Variants in FMR1 observed in about 807,000 individuals in gnomAD.
FMR1 encodes the protein FMRP translational regulator 1.
FMR1 carries 13 observed loss-of-function variants against 50.6 expected under a neutral mutation model. The observed-to-expected ratio is 0.26, with a 90% confidence interval of 0.17 to 0.41. The LOEUF (loss-of-function observed/expected upper bound fraction) is 0.41. Among genes scored for constraint, FMR1 ranks in the 10% least tolerant of loss-of-function variants. FMR1 has a pLI of 1.00. For synonymous variants in FMR1, 138 were observed against 164.1 expected (o/e 0.84, Z 1.22); for missense variants, 316 against 491.3 (o/e 0.64, Z 3.37).
intron 3 of FMR1, among the ~76,000 whole-genome samples, chrX:147,926,735 G>A (rs782140032): frequency 1.8e-5 from 2 of 111,047 alleles, no homozygotes; most frequent in South Asian, 7.7e-4. Flanking sequence ...TGATCCACTC[G>A]CCTCGGCCTC....
Position 147,912,857 on chromosome X carries a change from A to C in FMR1, c.51+627A>C, listed in dbSNP as rs2042662668. On this transcript the variant is annotated intron_variant, in intron 1 of 16. Transcript: ENST00000370475. ...GGCTTCTCTTTGTGGATTTCGGAGG[A>C]GATTTTAGATCCAAAAGTTTCAGGA... 8 of 295,579 alleles carry C rather than the reference A, an allele frequency of 2.7e-5. No homozygotes were observed. In the East Asian group the frequency reaches 3.8e-4, roughly 14 times the overall value. 24.4% of individuals were successfully genotyped at this position (295,579 alleles called of 1,213,427 possible).
intron 6 of FMR1, 41 bp from the exon 7 acceptor site, chrX:147,930,087 C>T (rs781858239): frequency 8.8e-7 from 1 of 1,136,570 alleles, no homozygotes. Context: ...TCATCTGGGG[C>T]AATTGCCTTG....
chrX:147,934,313 T>G lies in FMR1; in HGVS notation c.880+1550T>G, dbSNP rs1010896192. ...GGGGAAAGTGCTTGGGCATTGGAGT[T>G]GGATCTGGATTTCAGTCCTACTTTA... is the stretch of plus-strand genomic sequence containing the variant. On this transcript the variant is annotated intron_variant, in intron 9 of 16. Coordinates refer to ENST00000370475, the MANE Select transcript of FMR1 (RefSeq NM_002024.6). Among the ~76,000 whole-genome samples the G allele has an allele frequency of 4.5e-5, 5 of 110,788 alleles. No homozygotes were observed. In the East Asian group the frequency reaches 1.1e-3, roughly 25 times the overall value.
chrX:147,919,355 A>G (rs1286019596), intron 1 of FMR1, among the ~76,000 whole-genome samples: 2 of 111,806 alleles, frequency 1.8e-5, no homozygotes, highest in Non-Finnish European at 3.8e-5. Context: ...AGTTCCTGCA[A>G]CCTAACTCAA....
Position 147,950,759 on chromosome X carries a change from G to A in FMR1, c.*1915G>A, listed in dbSNP as rs1557183571. On this transcript the variant is annotated 3_prime_UTR_variant, in exon 17 of 17. Transcript: ENST00000370475. The stretch of plus-strand genomic sequence containing the variant: ...TACCATTGGAAATTTCACGTCATAG[G>A]AAGTTAGCCTTTATCTACCAACTTT... 2 of 315,394 alleles carry A rather than the reference G, an allele frequency of 6.3e-6. 1 individual carries two copies. The highest frequency in any genetic ancestry group is 6.8e-5 in the Admixed American group (2 of 29,563). The allele number at this position is 315,394 out of a possible 1,213,427, so 26.0% of individuals were successfully genotyped here.
intron 13 of FMR1, 148 bp downstream of exon 13, chrX:147,940,810 G>A: frequency 2.3e-6 from 1 of 440,312 alleles, no homozygotes. Flanking sequence ...ACGTTGTTTG[G>A]CTTATAATTT....
At chrX:147,915,334 G>GTTTATTTATAAATTT (rs2042802052) in intron 1 of FMR1, among the ~76,000 whole-genome samples, 1 of 111,558 alleles carries the variant, frequency 9.0e-6, no homozygotes, top group Admixed American at 9.4e-5. Context: ...ACTTGCATAA[G>GTTTATTTATAAATTT]GTTTATAAAT....
intron 3 of FMR1, 176 bp from the exon 4 acceptor site, chrX:147,928,146 T>C: frequency 2.4e-6 from 1 of 422,957 alleles, no homozygotes; most frequent in Non-Finnish European, 4.2e-6. Context: ...TCTGATTATG[T>C]ATCTCTGCCT....
intron 11 of FMR1, among the ~76,000 whole-genome samples, 179 bp from the exon 12 acceptor site, chrX:147,937,920 C>T (rs2043847289): frequency 8.9e-6 from 1 of 112,096 alleles, no homozygotes. Context: ...TCAAAATACA[C>T]CTTCTGTTAG....
chrX:147,949,076 C>A lies in FMR1; in HGVS notation c.*232C>A. ...AAACATTGCTTTTAAAACTACTTAG[C>A]ACTTCAGGGCAGATTTTAGTTTTAT... On this transcript the variant is annotated 3_prime_UTR_variant, in exon 17 of 17. Transcript: ENST00000370475. 1 of 479,638 alleles carries A rather than the reference C, an allele frequency of 2.1e-6. No individual in the cohort carries two copies. Among genetic ancestry groups the A allele is most frequent in the Non-Finnish European group, 3.8e-6 (1 of 266,326 alleles). 39.5% of individuals were successfully genotyped at this position (479,638 alleles called of 1,213,427 possible).
intron 1 of FMR1, among the ~76,000 whole-genome samples, chrX:147,918,737 G>C (rs1186889866): frequency 1.8e-5 from 2 of 110,023 alleles, no homozygotes; most frequent in Non-Finnish European, 3.8e-5. Flanking sequence ...TGATATTATA[G>C]TGCTTTTATG....
At chrX:147,915,519 T>A (rs1413907737) in intron 1 of FMR1, among the ~76,000 whole-genome samples, 1 of 111,217 alleles carries the variant, frequency 9.0e-6, no homozygotes, top group African/African-American at 3.3e-5. Context: ...CTTTTTAGTT[T>A]TTAGGATCTT....
chrX:147,938,216 C>T, intron 12 of FMR1, 55 bp downstream of exon 12: 2 of 945,074 alleles, frequency 2.1e-6, no homozygotes, highest in Non-Finnish European at 1.5e-6. Context: ...AATGTTTATT[C>T]CCCTTGTTAA....
Position 147,912,007 on chromosome X carries a change from G to C in FMR1, c.-173G>C, listed in dbSNP as rs1213532455. The C allele has an allele frequency of 9.5e-6, 1 of 104,924 alleles. No homozygotes were observed. The highest frequency in any genetic ancestry group is 2.0e-5 in the Non-Finnish European group (1 of 50,004). The allele number at this position is 104,924 out of a possible 1,213,427, so 8.6% of individuals were successfully genotyped here. A position where few individuals can be genotyped will look rare whatever the true frequency, so the allele number is the denominator to read the frequency against. ...GGCGGGCCGACGGCGAGCGCGGGCG[G>C]CGGCGGTGACGGAGGCGCCGCTGCC... On this transcript the variant is annotated 5_prime_UTR_variant, in exon 1 of 17. Coordinates refer to ENST00000370475, the MANE Select transcript of FMR1 (RefSeq NM_002024.6).
At chrX:147,915,268 CAT>C (rs1445516732) in intron 1 of FMR1, among the ~76,000 whole-genome samples, 1 of 111,816 alleles carries the variant, frequency 8.9e-6, no homozygotes, top group South Asian at 3.7e-4. Flanking sequence ...AGTGGTCTAA[CAT>C]GTCATTTCAG....
At chrX:147,922,544 A>G (rs1245142396) in intron 2 of FMR1, among the ~76,000 whole-genome samples, 4 of 111,918 alleles carry the variant, frequency 3.6e-5, no homozygotes, top group African/African-American at 1.3e-4. Flanking sequence ...ACTGTATGAA[A>G]GCATCAATAG....
rs927182029 is a variant in FMR1 at position 147,949,627 on chromosome X, T to C, written c.*783T>C. On this transcript the variant is annotated 3_prime_UTR_variant, in exon 17 of 17. Transcript: ENST00000370475. Reference sequence around the variant, plus strand: ...CACTGAAGTTTGATAAATAGTGTTATTGAGAGAGATGTGTAATTTTTCTGT... The same window carrying C: ...CACTGAAGTTTGATAAATAGTGTTACTGAGAGAGATGTGTAATTTTTCTGT... 18 of 327,615 alleles carry C rather than the reference T, an allele frequency of 5.5e-5. No individual in the cohort carries two copies. Among genetic ancestry groups the C allele is most frequent in the Non-Finnish European group, 1.0e-4 (17 of 169,616 alleles). 27.0% of individuals were successfully genotyped at this position (327,615 alleles called of 1,213,427 possible).
chrX:147,926,212 G>A (rs1186042730), intron 3 of FMR1, among the ~76,000 whole-genome samples: 1 of 111,883 alleles, frequency 8.9e-6, no homozygotes, highest in East Asian at 2.8e-4. Context: ...GAAATGTTGT[G>A]TTTGTGATTT....
At chrX:147,927,037 G>A (rs2043415248) in intron 3 of FMR1, among the ~76,000 whole-genome samples, 1 of 112,077 alleles carries the variant, frequency 8.9e-6, no homozygotes, top group South Asian at 3.7e-4. Flanking sequence ...AGTGGACATA[G>A]GATATAGTGT....
Sources: gnomAD v4.1 joint callset for allele counts (sites outside exome capture counted in the v4.1 genomes callset) on GRCh38, gnomAD v4.1.1 for gene constraint, MANE v1.5 for transcripts, NCBI Gene and HGNC (gene_info 2026-07-23, HGNC 2026-07-21) for gene names.